Variants in TENM2 observed in about 807,000 individuals in gnomAD.
TENM2 encodes teneurin-2.
TENM2 carries 52 observed loss-of-function variants against 245.2 expected under a neutral mutation model. That is an observed-to-expected ratio of 0.21 (90% CI 0.17 to 0.27). TENM2 has a LOEUF of 0.27. Ranked by LOEUF, TENM2 falls within the 10% of genes least tolerant of loss-of-function variation. The pLI is 1.00. For missense variants in TENM2, 3,046 were observed against 3,666.8 expected (o/e 0.83, Z 4.37); for synonymous variants, 1,363 against 1,438.9 (o/e 0.95, Z 1.19).
chr5:167,541,985 TG>T (rs1772240957), intron 2 of TENM2, among the ~76,000 whole-genome samples: 1 of 152,190 alleles, frequency 6.6e-6, no homozygotes, highest in Non-Finnish European at 1.5e-5. Flanking sequence ...TAAATGGTCA[TG>T]CCGCCATTTT....
At chr5:167,944,084 T>C (rs961781605) in intron 3 of TENM2, among the ~76,000 whole-genome samples, 2 of 152,198 alleles carry the variant, frequency 1.3e-5, no homozygotes, top group African/African-American at 2.4e-5. Context: ...AGAATGAGTA[T>C]AGGGGCAATG....
intron 2 of TENM2, among the ~76,000 whole-genome samples, chr5:167,613,379 C>A (rs1413057220): frequency 6.6e-6 from 1 of 152,140 alleles, no homozygotes; most frequent in Non-Finnish European, 1.5e-5. Context: ...TCCAACTATG[C>A]TGTGAGATGT....
intron 2 of TENM2, among the ~76,000 whole-genome samples, chr5:167,811,763 C>G (rs963488717): frequency 4.6e-5 from 7 of 152,112 alleles, no homozygotes; most frequent in African/African-American, 1.4e-4. Flanking sequence ...ATAGCTCCCA[C>G]CAGCTTGGCG....
At chr5:167,791,201 A>G (rs61690402) in intron 2 of TENM2, among the ~76,000 whole-genome samples, 16,925 of 151,898 alleles carry the variant, frequency 0.11, 979 homozygotes, top group East Asian at 0.15. Flanking sequence ...TTTAGCTATT[A>G]TATTTCAGTT....
At chr5:167,253,248 G>C in the TENM2 span, among the ~76,000 whole-genome samples, 6,506 of 131,836 alleles carry the variant, frequency 0.049, 441 homozygotes, top group African/African-American at 0.17. Context: ...GAGCCAACAG[G>C]CCTGGCTTTT....
chr5:167,169,331 C>A, the TENM2 span, among the ~76,000 whole-genome samples: 1 of 152,056 alleles, frequency 6.6e-6, no homozygotes, highest in African/African-American at 2.4e-5. Flanking sequence ...GAAAAACATG[C>A]AAATAAAGTC....
At chr5:167,271,625 A>G in the TENM2 span, among the ~76,000 whole-genome samples, 1 of 152,146 alleles carries the variant, frequency 6.6e-6, no homozygotes, top group African/African-American at 2.4e-5. Context: ...TTGGACTGCT[A>G]GTACGTAAAA....
At chr5:167,137,980 G>A in the TENM2 span, among the ~76,000 whole-genome samples, 4 of 152,138 alleles carry the variant, frequency 2.6e-5, no homozygotes, top group African/African-American at 9.7e-5. Flanking sequence ...AGAAAATAAA[G>A]TCTATCTATA....
chr5:167,497,339 T>G (rs547894313), intron 2 of TENM2, among the ~76,000 whole-genome samples: 3 of 152,260 alleles, frequency 2.0e-5, no homozygotes, highest in African/African-American at 7.2e-5. Flanking sequence ...CAGCAGCGTT[T>G]AATTTCTCAG....
intron 3 of TENM2, among the ~76,000 whole-genome samples, chr5:167,911,976 C>T (rs942531788): frequency 2.0e-5 from 3 of 152,044 alleles, no homozygotes; most frequent in South Asian, 4.1e-4. Context: ...AATCAATTAA[C>T]ATATCTCTTA....
At chr5:167,351,439 G>C (rs913578706) in intron 1 of TENM2, among the ~76,000 whole-genome samples, 35 of 152,220 alleles carry the variant, frequency 2.3e-4, no homozygotes, top group African/African-American at 7.9e-4. Context: ...CATTACTTCT[G>C]CTTCACAAGA....
At chr5:167,787,140 T>A (rs1227580401) in intron 2 of TENM2, among the ~76,000 whole-genome samples, 1 of 151,974 alleles carries the variant, frequency 6.6e-6, no homozygotes, top group Non-Finnish European at 1.5e-5. Context: ...CAAGGAGCCA[T>A]GAGATTCCAC....
At chr5:167,883,221 C>CT (rs1314102500) in intron 3 of TENM2, among the ~76,000 whole-genome samples, 1 of 152,210 alleles carries the variant, frequency 6.6e-6, no homozygotes, top group Non-Finnish European at 1.5e-5. Context: ...TCACCCTGGC[C>CT]TCCTAAACAA....
chr5:167,813,387 GCACACACA>G (rs142804283), intron 2 of TENM2, among the ~76,000 whole-genome samples: 11 of 145,508 alleles, frequency 7.6e-5, no homozygotes, highest in African/African-American at 2.5e-4. Flanking sequence ...TACAAGTTCT[GCACACACA>G]CACACACACA....
chr5:167,158,846 C>CCCTCCCTTCCTT, the TENM2 span, among the ~76,000 whole-genome samples: 8 of 86,062 alleles, frequency 9.3e-5, no homozygotes, highest in African/African-American at 3.4e-4. Context: ...TCCATAGCAG[C>CCCTCCCTTCCTT]CCTTCCTTCC....
intron 26 of TENM2, among the ~76,000 whole-genome samples, chr5:168,246,442 G>A (rs1022122252): frequency 1.3e-5 from 2 of 152,002 alleles, no homozygotes; most frequent in Non-Finnish European, 2.9e-5. Context: ...AGCAACATTG[G>A]CATTTGCAGG....
chr5:166,983,374 C>A, the TENM2 span, among the ~76,000 whole-genome samples: 1 of 152,044 alleles, frequency 6.6e-6, no homozygotes, highest in East Asian at 1.9e-4. Flanking sequence ...GTTTTTACTG[C>A]CAGACTTTCA....
At chr5:167,921,677 A>G (rs1777383298) in intron 3 of TENM2, among the ~76,000 whole-genome samples, 1 of 152,230 alleles carries the variant, frequency 6.6e-6, no homozygotes, top group South Asian at 2.1e-4. Context: ...GGAAGAGAGA[A>G]GTTCTTAATG....
intron 7 of TENM2, among the ~76,000 whole-genome samples, chr5:168,073,328 G>A (rs1462071686): frequency 6.6e-6 from 1 of 152,174 alleles, no homozygotes; most frequent in South Asian, 2.1e-4. Context: ...GCCTCCTGGA[G>A]GAGAGGCTAC....
Sources: allele counts gnomAD v4.1 joint callset (sites outside exome capture counted in the v4.1 genomes callset), GRCh38; gene constraint gnomAD v4.1.1; transcripts MANE v1.5; gene names NCBI Gene and HGNC (gene_info 2026-07-23, HGNC 2026-07-21).